Variants in MARCHF11 observed in about 807,000 individuals in gnomAD.
MARCHF11 encodes the protein E3 ubiquitin-protein ligase MARCHF11.
MARCHF11 carries 29 observed loss-of-function variants against 37.3 expected under a neutral mutation model. The observed-to-expected ratio is 0.78, with a 90% CI of 0.58 to 1.06. The LOEUF is 1.06. Among genes scored for constraint, MARCHF11 ranks in the 50% least tolerant of loss-of-function variants. The pLI is 0.00. For synonymous variants in MARCHF11, 233 were observed against 228.0 expected (o/e 1.02, Z -0.20); for missense variants, 482 against 533.4 (o/e 0.90, Z 0.95).
intron 2 of MARCHF11, among the ~76,000 whole-genome samples, chr5:16,175,910 A>G (rs1738346225): frequency 6.6e-6 from 1 of 152,218 alleles, no homozygotes; most frequent in Admixed American, 6.5e-5. Context: ...TCATAATAAA[A>G]TTAATCCTAA....
chr5:16,153,410 C>T (rs1394740295), intron 2 of MARCHF11, among the ~76,000 whole-genome samples: 3 of 151,886 alleles, frequency 2.0e-5, no homozygotes, highest in Non-Finnish European at 4.4e-5. Context: ...ATGTGGCTAA[C>T]TCAATGAAGC....
intron 3 of MARCHF11, 127 bp downstream of exon 3, chr5:16,090,762 T>C: frequency 3.0e-6 from 2 of 670,872 alleles, no homozygotes; most frequent in Non-Finnish European, 2.2e-6. Flanking sequence ...CCGCAGCTAA[T>C]TCATTAACAG....
At position 16,157,318 on chromosome 5, in the gene MARCHF11, T is replaced by A. The variant is rs1737993815; in HGVS notation, c.693+20408A>T. ...AAACCCTATCAAAAGTCCAATGTCA[T>A]TCTTCACTTAAATAGAAAAAAAATC... On this transcript the variant is annotated intron_variant, in intron 2 of 3. Transcript: ENST00000332432. Among the ~76,000 whole-genome samples, 3 of 151,930 alleles carry A rather than the reference T, an allele frequency of 2.0e-5. No homozygotes were observed. In the South Asian group the frequency reaches 6.2e-4, roughly 31 times the overall value.
chr5:16,105,741 A>T (rs1233734439), intron 2 of MARCHF11, among the ~76,000 whole-genome samples: 2 of 152,136 alleles, frequency 1.3e-5, no homozygotes, highest in African/African-American at 4.8e-5. Flanking sequence ...GAATGTGCCC[A>T]TCAGAAGGCC....
intron 2 of MARCHF11, among the ~76,000 whole-genome samples, chr5:16,107,615 G>A (rs1737065424): frequency 6.6e-6 from 1 of 152,082 alleles, no homozygotes; most frequent in African/African-American, 2.4e-5. Context: ...CCAGCTTAAA[G>A]CCTGGATAAA....
chr5:16,105,391 G>A lies in MARCHF11; in HGVS notation c.694-14310C>T, dbSNP rs561623769. On this transcript the variant is annotated intron_variant, in intron 2 of 3. Transcript: ENST00000332432. ...CAAACAAACAAATGCGTTTCTATGAGTTCCTAGAATTCCTCGCAGTCCTTT... is the reference window on the plus strand; with the variant it reads ...CAAACAAACAAATGCGTTTCTATGAATTCCTAGAATTCCTCGCAGTCCTTT... 1.2e-4 allele frequency among the ~76,000 whole-genome samples: 18 copies of A among 152,278 alleles called. No homozygotes were observed. In the South Asian group the frequency reaches 2.5e-3, roughly 21 times the overall value.
intron 2 of MARCHF11, among the ~76,000 whole-genome samples, chr5:16,102,162 C>T (rs1736967952): frequency 6.6e-6 from 1 of 152,160 alleles, no homozygotes; most frequent in African/African-American, 2.4e-5. Context: ...GAAACAATGG[C>T]TATAAGATCA....
At position 16,067,782 on chromosome 5, in the gene MARCHF11, G is replaced by C; in HGVS notation, c.898C>G (p.His300Asp). ...MDLVCIGLIV[H>D]EGAAVYRVFK... is the part of the protein sequence containing the mutation. ...ACTCTGTAAACTGCAGCTCCTTCAT[G>C]AACAATGAGACCTAAAATTTGAGAA... Residue 300 changes from histidine to aspartate, a missense_variant, in exon 4 of 4, where the codon CAT becomes GAT. By Grantham distance (81) the His-to-Asp change is moderately conservative. Transcript: ENST00000332432. The C allele has an allele frequency of 6.2e-7, 1 of 1,609,048 alleles. No individual in the cohort carries two copies. Among genetic ancestry groups the C allele is most frequent in the Non-Finnish European group, 8.5e-7 (1 of 1,177,186 alleles).
intron 2 of MARCHF11, among the ~76,000 whole-genome samples, chr5:16,154,795 C>G (rs181553523): frequency 1.3e-5 from 2 of 151,876 alleles, no homozygotes; most frequent in African/African-American, 4.8e-5. Context: ...AACAACATAT[C>G]ATTTTTATGC....
rs931786572 is a variant in MARCHF11 at position 16,082,978 on chromosome 5, C to T, written c.886+7911G>A. On this transcript the variant is annotated intron_variant, in intron 3 of 3. Transcript: ENST00000332432. Reference sequence around the variant, plus strand: ...GGCTGACCTGTCAACTTCCAAAGCTCGGCTATCCTCAGTGACCCCAGGAGC... The same window carrying T: ...GGCTGACCTGTCAACTTCCAAAGCTTGGCTATCCTCAGTGACCCCAGGAGC... Among the ~76,000 whole-genome samples the T allele has an allele frequency of 2.0e-5, 3 of 152,302 alleles. No homozygotes were observed. In the East Asian group the frequency reaches 5.8e-4, roughly 29 times the overall value.
chr5:16,129,084 T>C (rs542847516), intron 2 of MARCHF11: 1 of 152,340 alleles, frequency 6.6e-6, no homozygotes, highest in African/African-American at 2.4e-5. Context: ...AGCTTACTGC[T>C]TGAGTGGCTC....
At chr5:16,089,791 T>C (rs950043215) in intron 3 of MARCHF11, among the ~76,000 whole-genome samples, 1 of 152,240 alleles carries the variant, frequency 6.6e-6, no homozygotes, top group African/African-American at 2.4e-5. Context: ...CAACTTCTAA[T>C]TAATAACATA....
chr5:16,076,337 T>C (rs1057451378), intron 3 of MARCHF11, among the ~76,000 whole-genome samples: 4 of 152,108 alleles, frequency 2.6e-5, no homozygotes, highest in African/African-American at 9.7e-5. Flanking sequence ...GAGAGAAAAA[T>C]TGTTATATTA....
intron 3 of MARCHF11, 101 bp from the exon 4 acceptor site, chr5:16,067,894 T>C: frequency 9.7e-7 from 1 of 1,033,002 alleles, no homozygotes. Context: ...AGTTATGTTA[T>C]TCATCATCAG....
chr5:16,072,047 C>T (rs1362996344), intron 3 of MARCHF11, among the ~76,000 whole-genome samples: 1 of 152,014 alleles, frequency 6.6e-6, no homozygotes, highest in African/African-American at 2.4e-5. Context: ...GCAAGCTCCG[C>T]CTCCCAGGTT....
chr5:16,104,035 C>T (rs2126565372), intron 2 of MARCHF11, among the ~76,000 whole-genome samples: 1 of 152,268 alleles, frequency 6.6e-6, no homozygotes, highest in Admixed American at 6.5e-5. Flanking sequence ...TGTTTGAAAC[C>T]ACTAAATATC....
intron 3 of MARCHF11, among the ~76,000 whole-genome samples, chr5:16,083,216 A>C (rs775454635): frequency 9.2e-4 from 140 of 152,128 alleles, no homozygotes; most frequent in Non-Finnish European, 1.1e-3. Flanking sequence ...AAGTATCTTC[A>C]CTGTGCAAGT....
At chr5:16,107,504 A>G (rs1737063784) in intron 2 of MARCHF11, among the ~76,000 whole-genome samples, 2 of 152,144 alleles carry the variant, frequency 1.3e-5, no homozygotes, top group African/African-American at 4.8e-5. Flanking sequence ...GTATCTCCCA[A>G]GTAATTAACA....
intron 2 of MARCHF11, among the ~76,000 whole-genome samples, chr5:16,153,229 T>C (rs187402945): frequency 4.6e-5 from 7 of 152,000 alleles, no homozygotes; most frequent in African/African-American, 1.7e-4. Context: ...AAGCAAGAGA[T>C]TTATCCATGT....
Sources: gnomAD v4.1 joint callset for allele counts (sites outside exome capture counted in the v4.1 genomes callset) on GRCh38, gnomAD v4.1.1 for gene constraint, MANE v1.5 for transcripts, NCBI Gene and HGNC (gene_info 2026-07-23, HGNC 2026-07-21) for gene names.